Variants in TMPRSS9 observed in about 807,000 individuals in gnomAD.
TMPRSS9 encodes transmembrane serine protease 9, also known as transmembrane protease serine 9.
A neutral mutation model predicts 111.4 loss-of-function variants in TMPRSS9; 113 were observed. The observed-to-expected ratio is 1.01, with a 90% CI of 0.87 to 1.19. The LOEUF (loss-of-function observed/expected upper bound fraction) is 1.19. Among genes scored for constraint, TMPRSS9 ranks in the 50% most tolerant of loss-of-function variants. The pLI is 0.00. For synonymous variants in TMPRSS9, 805 were observed against 659.1 expected (o/e 1.22, Z -3.39); for missense variants, 1,803 against 1,513.1 (o/e 1.19, Z -3.18).
Position 2,410,459 on chromosome 19 carries a change from G to A in TMPRSS9, c.1254+65G>A, listed in dbSNP as rs78225375. On this transcript the variant is annotated intron_variant, in intron 9 of 17. Coordinates refer to ENST00000648592, the Ensembl canonical transcript of TMPRSS9. ...ATAGACACGAGCATGTTCAAATGCTGAGCAATTCACAGATATCTGGATGCC... is the reference window on the plus strand; with the variant it reads ...ATAGACACGAGCATGTTCAAATGCTAAGCAATTCACAGATATCTGGATGCC... The A allele has an allele frequency of 3.7e-3, 5,862 of 1,581,202 alleles. 37 individuals are homozygous for A. The highest frequency in any genetic ancestry group is 0.023 in the African/African-American group (1,692 of 74,266).
intron 13 of TMPRSS9, among the ~76,000 whole-genome samples, chr19:2,418,425 C>CT (rs1971336588): frequency 2.6e-5 from 1 of 37,996 alleles, no homozygotes; most frequent in Non-Finnish European, 4.8e-5. Flanking sequence ...TTCCCTCCCT[C>CT]CCTTTCCTTC....
intron 1 of TMPRSS9, among the ~76,000 whole-genome samples, chr19:2,394,078 C>T (rs1293265144): frequency 6.6e-6 from 1 of 152,050 alleles, no homozygotes; most frequent in Non-Finnish European, 1.5e-5. Flanking sequence ...TGGCATGTGC[C>T]TGTAGTCCTA....
At chr19:2,368,316 T>G (rs1970262697) in intron 1 of TMPRSS9, among the ~76,000 whole-genome samples, 1 of 150,116 alleles carries the variant, frequency 6.7e-6, no homozygotes, top group East Asian at 1.9e-4. Context: ...TTTGCAAAAT[T>G]TGAGAGACCA....
intron 6 of TMPRSS9, among the ~76,000 whole-genome samples, chr19:2,403,572 A>G (rs941142817): frequency 1.3e-5 from 2 of 151,978 alleles, no homozygotes; most frequent in Non-Finnish European, 2.9e-5. Flanking sequence ...GCCGTAAGAG[A>G]TTAGCAGGGT....
Position 2,406,358 on chromosome 19 carries a change from A to C in TMPRSS9, c.842+813A>C, listed in dbSNP as rs537723200. On this transcript the variant is annotated intron_variant, in intron 7 of 17. Transcript: ENST00000648592. ...ATTTTTTCTTTTGAGACAGAGTCTC[A>C]GTCTGTCGCCCTGGCTGGAGTGCAG... Among the ~76,000 whole-genome samples the C allele has an allele frequency of 3.6e-5, 5 of 140,654 alleles. No individual in the cohort carries two copies. In the South Asian group the frequency reaches 1.2e-3, roughly 33 times the overall value. 92.3% of individuals were successfully genotyped at this position (140,654 alleles called of 152,430 possible). A position where few individuals can be genotyped will look rare whatever the true frequency, so the allele number is the denominator to read the frequency against.
chr19:2,414,241 T>G (rs1971168536), intron 10 of TMPRSS9: 2 of 494,020 alleles, frequency 4.0e-6, no homozygotes, highest in Admixed American at 3.6e-5. Flanking sequence ...ATCAATGGGA[T>G]ACTTTTTTTT....
intron 7 of TMPRSS9, 96 bp from the exon 9 acceptor site, chr19:2,408,260 T>A (rs1343264696): frequency 1.0e-5 from 12 of 1,187,954 alleles, no homozygotes; most frequent in Non-Finnish European, 1.4e-5. Flanking sequence ...TGTGGGGGGA[T>A]ACCCCTTACA....
chr19:2,392,555 A>T (rs1359621519), intron 1 of TMPRSS9, among the ~76,000 whole-genome samples: 1 of 152,220 alleles, frequency 6.6e-6, no homozygotes, highest in Non-Finnish European at 1.5e-5. Flanking sequence ...AAAATGCAGA[A>T]AATTAGCCAG....
intron 1 of TMPRSS9, among the ~76,000 whole-genome samples, chr19:2,365,096 T>C (rs1377253169): frequency 1.3e-5 from 2 of 152,190 alleles, no homozygotes; most frequent in African/African-American, 4.8e-5. Flanking sequence ...AGGAGCTGTA[T>C]TAATTTTAAA....
chr19:2,408,482 C>T (rs371652203), exon 8 of TMPRSS9: 74 of 1,613,840 alleles, frequency 4.6e-5, no homozygotes, highest in Non-Finnish European at 5.8e-5. Flanking sequence ...CGGACACGGC[C>T]GACTTTGACG....
intron 1 of TMPRSS9, among the ~76,000 whole-genome samples, chr19:2,393,898 C>CAAA (rs34160378): frequency 8.6e-4 from 55 of 63,586 alleles, no homozygotes; most frequent in African/African-American, 3.4e-3. Context: ...ACCATGTCTC[C>CAAA]AAAAAAAAAA....
intron 10 of TMPRSS9, 51 bp from the exon 12 acceptor site, chr19:2,415,619 C>T: frequency 6.9e-7 from 1 of 1,443,920 alleles, no homozygotes. Context: ...CCGGATGCTC[C>T]CACCCGAGCA....
chr19:2,418,178 A>T (rs372351687), intron 13 of TMPRSS9, 40 bp downstream of exon 14: 8 of 1,552,354 alleles, frequency 5.2e-6, no homozygotes, highest in Non-Finnish European at 7.0e-6. Flanking sequence ...TATTTCCATG[A>T]AATGCCCACA....
exon 16 of TMPRSS9, chr19:2,425,118 C>G (rs756449568): frequency 6.3e-7 from 1 of 1,582,748 alleles, no homozygotes; most frequent in Non-Finnish European, 8.5e-7. Flanking sequence ...AATCTCTACA[C>G]GCTCGACTAC....
chr19:2,377,189 G>T (rs1970342314), intron 1 of TMPRSS9, among the ~76,000 whole-genome samples: 1 of 150,404 alleles, frequency 6.6e-6, no homozygotes, highest in Non-Finnish European at 1.5e-5. Context: ...GGCTGTGACG[G>T]CTCACATTTC....
intron 1 of TMPRSS9, among the ~76,000 whole-genome samples, chr19:2,371,994 G>A (rs1005070544): frequency 3.9e-5 from 6 of 152,084 alleles, no homozygotes; most frequent in East Asian, 1.9e-4. Context: ...TCCGTCTCCC[G>A]GGTTCAAGCT....
chr19:2,400,996 C>A (rs1404383470), intron 4 of TMPRSS9, among the ~76,000 whole-genome samples: 1 of 150,370 alleles, frequency 6.7e-6, no homozygotes, highest in African/African-American at 2.4e-5. Context: ...AAAAAATGGC[C>A]GGGCGCGGTG....
intron 10 of TMPRSS9, 63 bp from the exon 12 acceptor site, chr19:2,415,607 C>T (rs962126031): frequency 1.4e-6 from 2 of 1,399,988 alleles, no homozygotes; most frequent in African/African-American, 1.5e-5. Context: ...GGGACCACCC[C>T]ACCGGATGCT....
rs1458733899 is a variant in TMPRSS9, at chr19:2,368,797, TTTTTA to T, written c.-26+8438_-26+8442del. Among the ~76,000 whole-genome samples, 1,239 of 125,690 alleles carry T rather than the reference TTTTTA, an allele frequency of 9.9e-3. 167 individuals carry two copies. Among genetic ancestry groups the T allele is most frequent in the African/African-American group, 0.039 (1,078 of 27,896 alleles). The allele number at this position is 125,690 out of a possible 152,430, so 82.5% of individuals were successfully genotyped here. ...CAGTTTTTTTTTTTTTTTTTTTTTT[TTTTTA>T]AAGACAGAGTCTCACTCTGTCGCCC... On this transcript the variant is annotated intron_variant, in intron 1 of 17. Coordinates refer to the TMPRSS9 transcript ENST00000649857.
Sources: gnomAD v4.1 joint callset for allele counts (sites outside exome capture counted in the v4.1 genomes callset) on GRCh38, gnomAD v4.1.1 for gene constraint, MANE v1.5 for transcripts, NCBI Gene and HGNC (gene_info 2026-07-23, HGNC 2026-07-21) for gene names.